The following CCNY variants were observed in gnomAD, a reference collection of about 807,000 sequenced individuals.
The protein encoded by CCNY is cyclin Y, also known as cyclin-Y.
In CCNY, 19 loss-of-function variants were observed where a neutral mutation model predicts 42.8. The observed-to-expected ratio is 0.44, with a 90% CI of 0.31 to 0.65. The LOEUF is 0.65. CCNY is among the 30% of genes least tolerant of loss of function. CCNY has a pLI of 0.07. For synonymous variants in CCNY, 165 were observed against 162.7 expected, an observed-to-expected ratio of 1.01 and a Z score of -0.11; for missense variants, 370 against 437.3, an observed-to-expected ratio of 0.85 and a Z score of 1.37.
chr10:35,523,416 C>T (rs763856791), intron 4 of CCNY, among the ~76,000 whole-genome samples: 31 of 152,156 alleles, frequency 2.0e-4, no homozygotes, highest in Non-Finnish European at 2.8e-4. Context: ...CAAGCCTGGG[C>T]CTGATTCAGT....
At chr10:35,568,677 A>G (rs1056202709) in intron 9 of CCNY, among the ~76,000 whole-genome samples, 1 of 152,208 alleles carries the variant, frequency 6.6e-6, no homozygotes, top group African/African-American at 2.4e-5. Context: ...CCCTGCCAGG[A>G]TGGTGCTGTT....
chr10:35,383,766 A>T (rs1204545584), intron 1 of CCNY, among the ~76,000 whole-genome samples: 2 of 152,180 alleles, frequency 1.3e-5, no homozygotes, highest in Non-Finnish European at 2.9e-5. Flanking sequence ...TTTTAACATA[A>T]TAGTCCTAGA....
At chr10:35,313,543 C>CG (rs1835714898) in intron 3 of CCNY, among the ~76,000 whole-genome samples, 1 of 152,150 alleles carries the variant, frequency 6.6e-6, no homozygotes, top group Admixed American at 6.5e-5. Flanking sequence ...GATTGAGGCA[C>CG]GGGAGCCTCC....
intron 1 of CCNY, among the ~76,000 whole-genome samples, chr10:35,472,978 A>G (rs1839420102): frequency 6.6e-6 from 1 of 152,244 alleles, no homozygotes; most frequent in Non-Finnish European, 1.5e-5. Flanking sequence ...AACTGAATTC[A>G]ACGGAATTGC....
rs1398238055 is a variant in CCNY, at chr10:35,277,150, G to A, written c.-9+26524G>A. 2.6e-5 allele frequency among the ~76,000 whole-genome samples: 4 copies of A among 152,338 alleles called. 1 individual carries two copies. In the South Asian group the frequency reaches 8.3e-4, roughly 32 times the overall value. On this transcript the variant is annotated intron_variant, in intron 3 of 11. Coordinates refer to the CCNY transcript ENST00000374706. ...CCCAGGGCAGCCTCGGTTGGGCTTT[G>A]CTGGGACTTACTTGACCTGTTACTG...
chr10:35,495,359 A>G lies in CCNY; in HGVS notation c.230-6142A>G, dbSNP rs1171425000. ...CTGAAGAAATCCTTTGGCCTTAGAT[A>G]TTCTCTGTGAGAAACAGAAAACCTC... On this transcript the variant is annotated intron_variant, in intron 2 of 9. Coordinates refer to ENST00000374704, the MANE Select transcript of CCNY (RefSeq NM_145012.6). Among the ~76,000 whole-genome samples the G allele has an allele frequency of 3.3e-5, 5 of 152,196 alleles. No individual in the cohort carries two copies. The South Asian group carries it at 6.2e-4, about 19-fold the overall frequency.
At chr10:35,421,813 C>T (rs551529887) in intron 1 of CCNY, among the ~76,000 whole-genome samples, 5 of 152,188 alleles carry the variant, frequency 3.3e-5, no homozygotes, top group Non-Finnish European at 7.3e-5. Context: ...TCTAGTCATT[C>T]TGCTTTCTCT....
chr10:35,286,236 ATTTC>A (rs1835353225), intron 3 of CCNY, among the ~76,000 whole-genome samples: 1 of 151,634 alleles, frequency 6.6e-6, no homozygotes, highest in Non-Finnish European at 1.5e-5. Context: ...TTAATTTATG[ATTTC>A]TTTTTGATGA....
At chr10:35,562,432 G>A (rs775214745) in intron 8 of CCNY, among the ~76,000 whole-genome samples, 1 of 152,010 alleles carries the variant, frequency 6.6e-6, no homozygotes, top group Non-Finnish European at 1.5e-5. Flanking sequence ...CTTCATTTTC[G>A]CAAACTGAAA....
intron 3 of CCNY, among the ~76,000 whole-genome samples, chr10:35,270,095 T>C (rs1013467571): frequency 2.6e-5 from 4 of 152,182 alleles, no homozygotes; most frequent in Non-Finnish European, 5.9e-5. Context: ...CAACATTTTC[T>C]TCACAATCAC....
At chr10:35,345,521 T>C (rs1428196891) in intron 1 of CCNY, among the ~76,000 whole-genome samples, 1 of 150,588 alleles carries the variant, frequency 6.6e-6, no homozygotes, top group African/African-American at 2.4e-5. Context: ...ACTATGAGGA[T>C]CCAAATGAGG....
intron 1 of CCNY, among the ~76,000 whole-genome samples, chr10:35,475,352 T>G (rs1329747134): frequency 6.6e-6 from 1 of 151,976 alleles, no homozygotes; most frequent in Non-Finnish European, 1.5e-5. Flanking sequence ...TCACCGAAGT[T>G]GAAATGAAGG....
chr10:35,261,112 A>G lies in CCNY; in HGVS notation c.-9+10486A>G, dbSNP rs564583157. 9.3e-4 allele frequency among the ~76,000 whole-genome samples: 142 copies of G among 152,264 alleles called. 2 individuals carry two copies. Among genetic ancestry groups the G allele is most frequent in the Non-Finnish European group, 1.9e-3 (127 of 68,012 alleles). On this transcript the variant is annotated intron_variant, in intron 3 of 11. Coordinates refer to the CCNY transcript ENST00000374706. ...GTGACAGAGCAATAATCTGCCTTAA[A>G]AAAACAAAAGAAAACAAAACAAAAC... is the stretch of plus-strand genomic sequence containing the variant.
rs1425167369 is a variant in CCNY at position 35,562,230 on chromosome 10, C to CA, written c.747-3792dup. ...TGACTTGTCCAAGCATTGCATGGCA[C>CA]AGAAGGTCACAGAGAAAGAACTTCA... On this transcript the variant is annotated intron_variant, in intron 8 of 9. Coordinates refer to ENST00000374704, the MANE Select transcript of CCNY (RefSeq NM_145012.6). Among the ~76,000 whole-genome samples the CA allele has an allele frequency of 2.0e-5, 3 of 152,320 alleles. No individual in the cohort carries two copies. In the East Asian group the frequency reaches 5.8e-4, roughly 29 times the overall value.
chr10:35,520,155 C>A (rs1840519589), intron 4 of CCNY, among the ~76,000 whole-genome samples: 1 of 152,104 alleles, frequency 6.6e-6, no homozygotes, highest in Non-Finnish European at 1.5e-5. Flanking sequence ...CTGGAAATAC[C>A]AGCATCTCAC....
intron 1 of CCNY, among the ~76,000 whole-genome samples, chr10:35,355,713 T>C (rs534569774): frequency 1.5e-4 from 18 of 118,714 alleles, no homozygotes; most frequent in African/African-American, 5.4e-4. Context: ...AAAAGAGGAA[T>C]GTTAGTGGAA....
rs1841294797 is a variant in CCNY, at chr10:35,553,147, T to A, written c.708T>A (p.Asp236Glu). 1 of 1,614,058 alleles carries A rather than the reference T, an allele frequency of 6.2e-7. No individual in the cohort carries two copies. Among genetic ancestry groups the A allele is most frequent in the African/African-American group, 1.3e-5 (1 of 74,916 alleles). Residue 236 changes from aspartate to glutamate, a missense_variant, in exon 8 of 10, where the codon GAT becomes GAA. Transcript: ENST00000374704. ...VWDDQAVWNV[D>E]YCQILKDITV... ...ATGACCAGGCTGTATGGAATGTGGA[T>A]TACTGCCAGATCCTGAAAGACATCA...
At chr10:35,500,276 AT>A (rs1395140918) in intron 2 of CCNY, among the ~76,000 whole-genome samples, 5 of 152,202 alleles carry the variant, frequency 3.3e-5, no homozygotes. Context: ...CCTCAGACTA[AT>A]TTTTGCTTTT....
At chr10:35,497,775 G>C (rs929096217) in intron 2 of CCNY, among the ~76,000 whole-genome samples, 5 of 151,174 alleles carry the variant, frequency 3.3e-5, no homozygotes, top group African/African-American at 1.2e-4. Flanking sequence ...TCCCCCTATG[G>C]TAATGTCTTG....
Sources: gnomAD v4.1 joint callset for allele counts (sites outside exome capture counted in the v4.1 genomes callset) on GRCh38, gnomAD v4.1.1 for gene constraint, MANE v1.5 for transcripts, NCBI Gene and HGNC (gene_info 2026-07-23, HGNC 2026-07-21) for gene names.